The following DOCK3 variants were observed in gnomAD, a reference collection of about 807,000 sequenced individuals.
DOCK3 encodes dedicator of cytokinesis protein 3.
Under a neutral mutation model 265.6 loss-of-function variants are expected in DOCK3, and 60 were observed. The observed-to-expected ratio is 0.23, with a 90% CI of 0.18 to 0.28. The LOEUF (loss-of-function observed/expected upper bound fraction) is 0.28. DOCK3 is among the 10% of genes least tolerant of loss of function. DOCK3 has a pLI of 1.00. For synonymous variants in DOCK3, 881 were observed against 938.0 expected (o/e 0.94, Z 1.11); for missense variants, 1,981 against 2,594.3 (o/e 0.76, Z 5.14).
chr3:50,775,200 A>AT (rs2041513942), intron 1 of DOCK3, among the ~76,000 whole-genome samples: 1 of 151,812 alleles, frequency 6.6e-6, no homozygotes, highest in Admixed American at 6.6e-5. Context: ...GATTGGTGTT[A>AT]TTTTTTTCAG....
chr3:50,695,931 A>G (rs2035589958), intron 1 of DOCK3, among the ~76,000 whole-genome samples: 1 of 152,240 alleles, frequency 6.6e-6, no homozygotes, highest in Admixed American at 6.5e-5. Flanking sequence ...AGGAGGATTT[A>G]TGGACAGAAA....
At chr3:50,755,063 C>G (rs2040076901) in intron 1 of DOCK3, among the ~76,000 whole-genome samples, 1 of 152,164 alleles carries the variant, frequency 6.6e-6, no homozygotes, top group Non-Finnish European at 1.5e-5. Context: ...GAGGGCAGTT[C>G]TCATTCAGAA....
chr3:50,766,585 G>A (rs953931914), intron 1 of DOCK3, among the ~76,000 whole-genome samples: 6 of 152,066 alleles, frequency 3.9e-5, no homozygotes, highest in African/African-American at 7.2e-5. Flanking sequence ...ATAAACATAT[G>A]TGTGCATGTG....
intron 5 of DOCK3, among the ~76,000 whole-genome samples, chr3:51,016,611 A>ATAT (rs2079278595): frequency 4.6e-5 from 3 of 65,876 alleles, no homozygotes; most frequent in African/African-American, 1.9e-4. Context: ...TATATATATT[A>ATAT]TATATTTATA....
At chr3:51,303,262 G>A (rs2082456091) in intron 27 of DOCK3, among the ~76,000 whole-genome samples, 1 of 152,152 alleles carries the variant, frequency 6.6e-6, no homozygotes, top group South Asian at 2.1e-4. Context: ...GCTCTGTGAG[G>A]TAATTTATGT....
At chr3:50,844,489 G>A (rs533503206) in intron 3 of DOCK3, among the ~76,000 whole-genome samples, 144 of 152,160 alleles carry the variant, frequency 9.5e-4, no homozygotes, top group African/African-American at 3.3e-3. Context: ...CCAAAGTGCT[G>A]GGATTACAGA....
intron 1 of DOCK3, among the ~76,000 whole-genome samples, chr3:50,752,173 G>T (rs1236480733): frequency 6.6e-6 from 1 of 152,116 alleles, no homozygotes; most frequent in Non-Finnish European, 1.5e-5. Flanking sequence ...TGTAAGAAAG[G>T]TGTGTTAGGT....
At chr3:50,804,631 C>T (rs1363485374) in intron 2 of DOCK3, among the ~76,000 whole-genome samples, 3 of 152,118 alleles carry the variant, frequency 2.0e-5, no homozygotes, top group Non-Finnish European at 4.4e-5. Context: ...CCCAGGCACT[C>T]GGCAGGCTGA....
At chr3:51,377,310 A>G (rs910190269) in intron 51 of DOCK3, among the ~76,000 whole-genome samples, 1 of 152,274 alleles carries the variant, frequency 6.6e-6, no homozygotes. Context: ...GTGGCAACAC[A>G]CAGGCCAGAG....
rs572866912 is a variant in DOCK3 at position 51,382,324 on chromosome 3, C to G, written c.*765C>G. The G allele has an allele frequency of 6.6e-6, 1 of 152,618 alleles. No homozygotes were observed. The highest frequency in any genetic ancestry group is 2.1e-4 in the South Asian group (1 of 4,832). The allele number at this position is 152,618 out of a possible 1,614,324, so 9.5% of individuals were successfully genotyped here. A position where few individuals can be genotyped will look rare whatever the true frequency, so the allele number is the denominator to read the frequency against. On this transcript the variant is annotated 3_prime_UTR_variant, in exon 53 of 53. Coordinates refer to ENST00000266037, the MANE Select transcript of DOCK3 (RefSeq NM_004947.5). Reference sequence around the variant, plus strand: ...TGCCCCACAGGAGCCCCAGTGGTGACTGGATCTGCAAGGGTTATCTCCCGC... The same window carrying G: ...TGCCCCACAGGAGCCCCAGTGGTGAGTGGATCTGCAAGGGTTATCTCCCGC...
At chr3:51,364,841 T>G (rs1402260006) in intron 49 of DOCK3, among the ~76,000 whole-genome samples, 1 of 152,242 alleles carries the variant, frequency 6.6e-6, no homozygotes, top group African/African-American at 2.4e-5. Flanking sequence ...CATTGGTCTA[T>G]ATATCTGTTT....
At chr3:51,367,346 G>A (rs1444196922) in intron 49 of DOCK3, among the ~76,000 whole-genome samples, 5 of 152,072 alleles carry the variant, frequency 3.3e-5, no homozygotes, top group Admixed American at 3.3e-4. Context: ...TTGCTTGGTA[G>A]ATCTTCCTCC....
At chr3:50,974,518 T>C (rs1325825491) in intron 5 of DOCK3, among the ~76,000 whole-genome samples, 1 of 151,956 alleles carries the variant, frequency 6.6e-6, no homozygotes, top group Non-Finnish European at 1.5e-5. Flanking sequence ...TTGGTACCAG[T>C]AGCATGCTGT....
rs557472250 is a variant in DOCK3, at chr3:51,133,794, A to C, written c.747-12755A>C. 3.5e-4 allele frequency among the ~76,000 whole-genome samples: 54 copies of C among 152,230 alleles called. 1 individual carries two copies. The highest frequency in any genetic ancestry group is 1.6e-3 in the Admixed American group (24 of 15,296). ...AGGAACATAGAGTTGGGTCAGGCTG[A>C]ATTTATTGATTTGGGCCCACTAAGA... On this transcript the variant is annotated intron_variant, in intron 9 of 52. Transcript: ENST00000266037.
intron 2 of DOCK3, among the ~76,000 whole-genome samples, chr3:50,829,859 G>T (rs2045026222): frequency 6.6e-6 from 1 of 152,086 alleles, no homozygotes; most frequent in Non-Finnish European, 1.5e-5. Context: ...ATGAAATAAT[G>T]ACTCATTTGC....
intron 1 of DOCK3, among the ~76,000 whole-genome samples, chr3:50,739,068 G>C (rs912655872): frequency 3.8e-4 from 58 of 151,840 alleles, no homozygotes; most frequent in African/African-American, 1.4e-3. Flanking sequence ...GAGTTTTTGG[G>C]GGGGGGTTAT....
At chr3:51,174,656 TC>T (rs2086852067) in intron 12 of DOCK3, among the ~76,000 whole-genome samples, 1 of 152,214 alleles carries the variant, frequency 6.6e-6, no homozygotes, top group African/African-American at 2.4e-5. Flanking sequence ...TGGAGCTTCA[TC>T]GGTTGCTTTT....
intron 5 of DOCK3, among the ~76,000 whole-genome samples, chr3:51,016,990 A>T (rs1022326499): frequency 2.1e-5 from 3 of 139,632 alleles, no homozygotes; most frequent in Non-Finnish European, 4.5e-5. Context: ...GGTAAAATTT[A>T]GTAGTAAAAC....
intron 12 of DOCK3, among the ~76,000 whole-genome samples, chr3:51,179,614 A>G (rs888855054): frequency 4.6e-5 from 7 of 152,240 alleles, no homozygotes; most frequent in African/African-American, 1.7e-4. Context: ...GTGCGTATAC[A>G]TGTAAGTAGT....
Sources: allele counts gnomAD v4.1 joint callset (sites outside exome capture counted in the v4.1 genomes callset), GRCh38; gene constraint gnomAD v4.1.1; transcripts MANE v1.5; gene names NCBI Gene and HGNC (gene_info 2026-07-23, HGNC 2026-07-21).